Variants in DGKG observed in about 807,000 individuals in gnomAD.
The protein encoded by DGKG is diacylglycerol kinase gamma, also known as DAG kinase gamma.
In DGKG, 78 loss-of-function variants were observed where a neutral mutation model predicts 105.3. The ratio of observed to expected loss-of-function variants is 0.74; its 90% CI spans 0.62 to 0.89. The LOEUF is 0.89. Among genes scored for constraint, DGKG ranks in the 40% least tolerant of loss-of-function variants. DGKG has a pLI of 0.00. For missense variants in DGKG, 958 were observed against 1,020.1 expected (o/e 0.94, Z 0.83); for synonymous variants, 346 against 367.1 (o/e 0.94, Z 0.66).
chr3:186,242,337 G>T (rs1329034298), intron 20 of DGKG, among the ~76,000 whole-genome samples, 167 bp downstream of exon 20: 1 of 152,070 alleles, frequency 6.6e-6, no homozygotes, highest in Non-Finnish European at 1.5e-5. Flanking sequence ...CCAAGTTTCT[G>T]ACACTTTTTT....
At chr3:186,280,509 T>A (rs1722780527) in intron 8 of DGKG, among the ~76,000 whole-genome samples, 161 bp downstream of exon 8, 1 of 152,176 alleles carries the variant, frequency 6.6e-6, no homozygotes, top group African/African-American at 2.4e-5. Context: ...ATTTTTCCTA[T>A]CAGAGAGGTA....
chr3:186,239,712 C>T (rs549933246), intron 20 of DGKG, among the ~76,000 whole-genome samples: 3 of 152,164 alleles, frequency 2.0e-5, no homozygotes, highest in African/African-American at 7.2e-5. Flanking sequence ...CGCAGGTTTA[C>T]GTGCAAATCC....
intron 22 of DGKG, among the ~76,000 whole-genome samples, chr3:186,169,298 G>GA (rs960510420): frequency 2.6e-5 from 4 of 152,162 alleles, no homozygotes; most frequent in African/African-American, 9.7e-5. Context: ...ATGCATAAAA[G>GA]AAAAGGACAA....
intron 20 of DGKG, among the ~76,000 whole-genome samples, chr3:186,241,611 A>G (rs1720690070): frequency 6.6e-6 from 1 of 152,152 alleles, no homozygotes. Context: ...AATAAAAGTC[A>G]ACACCTTTAG....
chr3:186,148,807 C>T lies in DGKG; in HGVS notation c.*1283G>A, dbSNP rs1715615680. 1 of 985,566 alleles carries T rather than the reference C, an allele frequency of 1.0e-6. No individual in the cohort carries two copies. Among genetic ancestry groups the T allele is most frequent in the African/African-American group, 1.7e-5 (1 of 57,270 alleles). 61.1% of individuals were successfully genotyped at this position (985,566 alleles called of 1,614,324 possible). ...ATAATAGGGAGCTACTTTCATTCCC[C>T]TTAACCCTTGTGATCACCACAGGGA... On this transcript the variant is annotated 3_prime_UTR_variant, in exon 25 of 25. Coordinates refer to ENST00000265022, the MANE Select transcript of DGKG (RefSeq NM_001346.3).
intron 20 of DGKG, among the ~76,000 whole-genome samples, chr3:186,228,462 C>A (rs1407844925): frequency 6.6e-6 from 1 of 152,218 alleles, no homozygotes; most frequent in African/African-American, 2.4e-5. Flanking sequence ...GCCATTCCTT[C>A]ATTAATCTGT....
At chr3:186,313,989 A>G (rs1724684799) in intron 2 of DGKG, among the ~76,000 whole-genome samples, 1 of 152,196 alleles carries the variant, frequency 6.6e-6, no homozygotes, top group Non-Finnish European at 1.5e-5. Flanking sequence ...TATCAGCCCT[A>G]AATATGTTCT....
rs191311232 is a variant in DGKG, at chr3:186,252,046, G to A, written c.1601-127C>T. On this transcript the variant is annotated intron_variant, in intron 18 of 24. Coordinates refer to ENST00000265022, the MANE Select transcript of DGKG (RefSeq NM_001346.3). ...TATGGGACTCCCCACTGTGTCTGTG[G>A]GCTAGAGACACTTACGTTCCCCGAG... is the stretch of plus-strand genomic sequence containing the variant. 6.9e-5 allele frequency: 59 copies of A among 849,682 alleles called. No homozygotes were observed. In the African/African-American group the frequency reaches 9.6e-4, roughly 14 times the overall value. 52.6% of individuals were successfully genotyped at this position (849,682 alleles called of 1,614,324 possible).
rs377671098 is a variant in DGKG at position 186,176,500 on chromosome 3, C to G, written c.2096-11482G>C. Among the ~76,000 whole-genome samples, 4 of 152,220 alleles carry G rather than the reference C, an allele frequency of 2.6e-5. No individual in the cohort carries two copies. The East Asian group carries it at 7.7e-4, about 29-fold the overall frequency. ...AGACAAAGTTGGAGGAGAGTCACGACAGGGAGGGCCTTATTCTGGTGGTTG... is the reference window on the plus strand; with the variant it reads ...AGACAAAGTTGGAGGAGAGTCACGAGAGGGAGGGCCTTATTCTGGTGGTTG... On this transcript the variant is annotated intron_variant, in intron 22 of 24. Transcript: ENST00000265022.
intron 20 of DGKG, among the ~76,000 whole-genome samples, chr3:186,234,782 C>T (rs917412678): frequency 2.0e-5 from 3 of 152,112 alleles, no homozygotes; most frequent in Admixed American, 6.5e-5. Flanking sequence ...ACTAGGGACC[C>T]AGGAGGAAAA....
At chr3:186,336,794 T>A (rs1725851439) in intron 1 of DGKG, among the ~76,000 whole-genome samples, 1 of 152,072 alleles carries the variant, frequency 6.6e-6, no homozygotes, top group African/African-American at 2.4e-5. Context: ...AGTAGCAATA[T>A]TTGGAATGAA....
intron 2 of DGKG, among the ~76,000 whole-genome samples, chr3:186,318,584 G>T (rs1027612920): frequency 2.6e-5 from 4 of 152,156 alleles, no homozygotes; most frequent in African/African-American, 9.7e-5. Context: ...GACCGAATGG[G>T]GGGATCCAGG....
intron 22 of DGKG, among the ~76,000 whole-genome samples, chr3:186,186,056 C>A (rs1052560133): frequency 7.1e-6 from 1 of 140,664 alleles, no homozygotes; most frequent in African/African-American, 2.8e-5. Context: ...CAACATGTGC[C>A]ACTGCACTCT....
chr3:186,227,065 C>T (rs1005206274), intron 20 of DGKG, among the ~76,000 whole-genome samples: 1 of 152,132 alleles, frequency 6.6e-6, no homozygotes, highest in African/African-American at 2.4e-5. Context: ...TGATGACCCC[C>T]TTTGGAGGAG....
In DGKG at chr3:186,311,843, G is replaced by A. The variant is rs971123985; in HGVS notation, c.68-4866C>T. 1.2e-4 allele frequency among the ~76,000 whole-genome samples: 15 copies of A among 129,488 alleles called. 1 individual carries two copies. Among genetic ancestry groups the A allele is most frequent in the Non-Finnish European group, 1.8e-4 (12 of 67,836 alleles). The allele number at this position is 129,488 out of a possible 152,430, so 84.9% of individuals were successfully genotyped here. On this transcript the variant is annotated intron_variant, in intron 2 of 24. Coordinates refer to ENST00000265022, the MANE Select transcript of DGKG (RefSeq NM_001346.3). ...GTTAAGAACACAGAGTAGGCCGGGC[G>A]CGGTGGCTCACGCCTGTAATCCCAG... is the stretch of plus-strand genomic sequence containing the variant.
intron 21 of DGKG, among the ~76,000 whole-genome samples, chr3:186,192,555 A>G (rs1328378865): frequency 6.6e-6 from 1 of 152,050 alleles, no homozygotes; most frequent in East Asian, 1.9e-4. Flanking sequence ...CAGCATTGCT[A>G]CCCCCAACTG....
chr3:186,225,682 T>C (rs1280520254), intron 20 of DGKG, among the ~76,000 whole-genome samples: 1 of 152,146 alleles, frequency 6.6e-6, no homozygotes, highest in African/African-American at 2.4e-5. Flanking sequence ...GCTAGAGTTC[T>C]CACCACTCCC....
intron 6 of DGKG, 96 bp downstream of exon 6, chr3:186,288,596 GGGACGCATATCCGTGATA>G: frequency 9.0e-7 from 1 of 1,116,740 alleles, no homozygotes; most frequent in Non-Finnish European, 1.3e-6. Flanking sequence ...CCAAAGAGGC[GGGACGCATATCCGTGATA>G]TCAACTCAAT....
chr3:186,195,282 C>CA (rs199878057), intron 21 of DGKG, among the ~76,000 whole-genome samples: 1,846 of 117,358 alleles, frequency 0.016, 43 homozygotes, highest in African/African-American at 0.042. Context: ...TATAGCAAAA[C>CA]AAAAAAAAAC....
Sources: allele counts gnomAD v4.1 joint callset (sites outside exome capture counted in the v4.1 genomes callset), GRCh38; gene constraint gnomAD v4.1.1; transcripts MANE v1.5; gene names NCBI Gene and HGNC (gene_info 2026-07-23, HGNC 2026-07-21).